Variants in TAF3 observed in about 807,000 individuals in gnomAD.
The protein encoded by TAF3 is TATA-box binding protein associated factor 3.
Under a neutral mutation model 80.6 loss-of-function variants are expected in TAF3, and 7 were observed. The observed-to-expected ratio is 0.09, with a 90% CI of 0.05 to 0.16. The LOEUF is 0.16. Ranked by LOEUF, TAF3 falls within the 10% of genes least tolerant of loss-of-function variation. The probability of loss-of-function intolerance (pLI) is 1.00; values close to 1 mark genes in which losing one functional copy is unlikely to be tolerated. For missense variants in TAF3, 921 were observed against 1,140.2 expected (o/e 0.81, Z 2.77); for synonymous variants, 444 against 446.1 (o/e 1.00, Z 0.06).
At chr10:7,993,336 A>ACCC (rs1314459318) in intron 4 of TAF3, among the ~76,000 whole-genome samples, 1 of 152,024 alleles carries the variant, frequency 6.6e-6, no homozygotes, top group African/African-American at 2.4e-5. Flanking sequence ...ATGCCACTAC[A>ACCC]CCCAGCTAAT....
chr10:7,822,883 A>G (rs930909528), intron 1 of TAF3, among the ~76,000 whole-genome samples: 2 of 152,242 alleles, frequency 1.3e-5, no homozygotes, highest in South Asian at 2.1e-4. Flanking sequence ...AAAGAAAAAA[A>G]TCTCTATATC....
Position 8,016,207 on chromosome 10 carries a change from A to G in TAF3, c.*1456A>G, listed in dbSNP as rs751542369. On this transcript the variant is annotated 3_prime_UTR_variant, in exon 7 of 7. Transcript: ENST00000344293. ...ATCCCAGTGTAGGCCCATGTGCTGG[A>G]TCTGTTGGATGCTAGAATATGGGCT... is the stretch of plus-strand genomic sequence containing the variant. 2 of 152,192 alleles carry G rather than the reference A, an allele frequency of 1.3e-5. No homozygotes were observed. Among genetic ancestry groups the G allele is most frequent in the African/African-American group, 2.4e-5 (1 of 41,450 alleles). 9.4% of individuals were successfully genotyped at this position (152,192 alleles called of 1,614,324 possible). A position where few individuals can be genotyped will look rare whatever the true frequency, so the allele number is the denominator to read the frequency against.
rs536811792 is a variant in TAF3, at chr10:7,872,339, C to T, written c.409+47779C>T. 4.3e-4 allele frequency among the ~76,000 whole-genome samples: 65 copies of T among 150,462 alleles called. No individual in the cohort carries two copies. In the South Asian group the frequency reaches 0.012, roughly 29 times the overall value. Reference sequence around the variant, plus strand: ...TAAAATCAGTTCCCTGTATAATTAGCAATGGAGCCTTATTCTTTGTGGCAG... The same window carrying T: ...TAAAATCAGTTCCCTGTATAATTAGTAATGGAGCCTTATTCTTTGTGGCAG... On this transcript the variant is annotated intron_variant, in intron 2 of 6. Transcript: ENST00000344293.
intron 2 of TAF3, among the ~76,000 whole-genome samples, chr10:7,886,353 C>G (rs1049577682): frequency 1.3e-5 from 2 of 152,226 alleles, no homozygotes; most frequent in African/African-American, 4.8e-5. Context: ...CCCCCTTCTG[C>G]ATGTTCTTCA....
intron 2 of TAF3, among the ~76,000 whole-genome samples, chr10:7,955,268 T>C (rs1309430795): frequency 6.6e-6 from 1 of 152,230 alleles, no homozygotes; most frequent in African/African-American, 2.4e-5. Context: ...AGGAATCTAT[T>C]ATAAAAACAG....
chr10:7,844,380 T>TC (rs1371033394), intron 2 of TAF3, among the ~76,000 whole-genome samples: 2 of 146,340 alleles, frequency 1.4e-5, no homozygotes, highest in African/African-American at 2.5e-5. Flanking sequence ...TTCTTGTTCT[T>TC]TTTTTTTTTT....
intron 4 of TAF3, among the ~76,000 whole-genome samples, chr10:7,996,968 A>C (rs1226989919): frequency 6.6e-6 from 1 of 151,752 alleles, no homozygotes; most frequent in Non-Finnish European, 1.5e-5. Flanking sequence ...TGCTGGGATT[A>C]TAAGCATGAG....
At chr10:7,977,920 C>T (rs1207516928) in intron 4 of TAF3, among the ~76,000 whole-genome samples, 2 of 152,130 alleles carry the variant, frequency 1.3e-5, no homozygotes, top group Non-Finnish European at 2.9e-5. Context: ...TCAACCCACT[C>T]GTCTTTACAG....
In TAF3 at chr10:8,009,292, G is replaced by C; in HGVS notation, c.2530G>C (p.Val844Leu). The C allele has an allele frequency of 6.3e-7, 1 of 1,586,974 alleles. No individual in the cohort carries two copies. Among genetic ancestry groups the C allele is most frequent in the Non-Finnish European group, 8.6e-7 (1 of 1,168,850 alleles). Residue 844 changes from valine (V) to leucine (L), a missense_variant, in exon 5 of 7, where the codon GTG (valine) becomes CTG (leucine). Val to Leu is a conservative substitution (Grantham distance 32). Coordinates refer to ENST00000344293, the MANE Select transcript of TAF3 (RefSeq NM_031923.4). The surrounding 1 kb of genome is among the most constrained non-coding windows in gnomAD (Gnocchi z 4.1). ...CTCCGGGGCCAGTGCCAAAGCCCCC[G>C]TGCGCAGCGTGGTGACTGAGACGGT... Reference protein sequence around the residue: ...AASGASAKAPVRSVVTETVST... With the variant: ...AASGASAKAPLRSVVTETVST...
intron 2 of TAF3, among the ~76,000 whole-genome samples, chr10:7,895,007 C>T (rs1388101491): frequency 2.0e-5 from 3 of 152,176 alleles, no homozygotes; most frequent in African/African-American, 4.8e-5. Context: ...TCCTCAGAAG[C>T]TGGGATTACA....
At chr10:7,850,103 C>G (rs1253597843) in intron 2 of TAF3, among the ~76,000 whole-genome samples, 2 of 152,298 alleles carry the variant, frequency 1.3e-5, no homozygotes, top group South Asian at 2.1e-4. Context: ...CTGATAAGTC[C>G]TCTCTGTCTG....
At chr10:7,876,694 T>C (rs1837315613) in intron 2 of TAF3, among the ~76,000 whole-genome samples, 1 of 152,204 alleles carries the variant, frequency 6.6e-6, no homozygotes, top group South Asian at 2.1e-4. Flanking sequence ...GTCCTAAAAG[T>C]CAGGAAAGTT....
chr10:7,959,682 G>A (rs1838171030), intron 2 of TAF3, among the ~76,000 whole-genome samples: 1 of 152,156 alleles, frequency 6.6e-6, no homozygotes, highest in African/African-American at 2.4e-5. Flanking sequence ...ATTTTCTAAA[G>A]TAGTTGTATG....
chr10:7,988,688 C>T (rs1200639916), intron 4 of TAF3, among the ~76,000 whole-genome samples: 1 of 136,880 alleles, frequency 7.3e-6, no homozygotes, highest in Non-Finnish European at 1.5e-5. Context: ...GAGTTTGAGG[C>T]TACAGTGAGC....
chr10:7,831,104 T>A (rs1050274132), intron 2 of TAF3, among the ~76,000 whole-genome samples: 5 of 152,242 alleles, frequency 3.3e-5, no homozygotes, highest in African/African-American at 1.2e-4. Flanking sequence ...CACTTTGTTT[T>A]TATTTCATTC....
chr10:7,870,199 G>T (rs1279197920), intron 2 of TAF3, among the ~76,000 whole-genome samples: 1 of 152,128 alleles, frequency 6.6e-6, no homozygotes, highest in Non-Finnish European at 1.5e-5. Context: ...TATGAGTAGG[G>T]AATCATAAAA....
At chr10:7,835,285 A>C (rs1220877631) in intron 2 of TAF3, among the ~76,000 whole-genome samples, 1 of 151,750 alleles carries the variant, frequency 6.6e-6, no homozygotes, top group Non-Finnish European at 1.5e-5. Context: ...GTTGGGCTGC[A>C]TTCAAAGCCG....
intron 3 of TAF3, among the ~76,000 whole-genome samples, chr10:7,974,409 G>A (rs952833416): frequency 1.3e-5 from 2 of 152,222 alleles, no homozygotes; most frequent in African/African-American, 2.4e-5. Flanking sequence ...AGTTGAAAAT[G>A]TTGAATAGGC....
At chr10:8,006,179 TACACACACAC>T (rs59502450) in intron 4 of TAF3, among the ~76,000 whole-genome samples, 11,694 of 134,540 alleles carry the variant, frequency 0.087, 493 homozygotes, top group South Asian at 0.14. Context: ...AAAAAAAAAA[TACACACACAC>T]ACACACACAC....
Sources: gnomAD v4.1 joint callset for allele counts (sites outside exome capture counted in the v4.1 genomes callset) on GRCh38, gnomAD v4.1.1 for gene constraint, Gnocchi (gnomAD v3.1) non-coding constraint, MANE v1.5 for transcripts, NCBI Gene and HGNC (gene_info 2026-07-23, HGNC 2026-07-21) for gene names.